The following UNC13C variants were observed in gnomAD, a reference collection of about 807,000 sequenced individuals.
The protein encoded by UNC13C is unc-13 homolog C, also known as protein unc-13 homolog C.
UNC13C carries 174 observed loss-of-function variants against 245.4 expected under a neutral mutation model. The ratio of observed to expected loss-of-function variants is 0.71; its 90% CI spans 0.63 to 0.80. UNC13C has a LOEUF of 0.80. UNC13C is among the 30% of genes least tolerant of loss of function. UNC13C has a pLI of 0.00. For synonymous variants in UNC13C, 992 were observed against 895.1 expected (o/e 1.11, Z -1.93); for missense variants, 2,829 against 2,602.9 (o/e 1.09, Z -1.89).
At chr15:54,426,693 T>C (rs1012811445) in intron 19 of UNC13C, among the ~76,000 whole-genome samples, 4 of 151,684 alleles carry the variant, frequency 2.6e-5, no homozygotes, top group Non-Finnish European at 5.9e-5. Context: ...CCATGGAGTG[T>C]TGTTTAGTCT....
At chr15:54,218,691 TG>T (rs760228834) in intron 4 of UNC13C, among the ~76,000 whole-genome samples, 8 of 151,858 alleles carry the variant, frequency 5.3e-5, no homozygotes, top group Non-Finnish European at 8.8e-5. Flanking sequence ...TTAGATTTTG[TG>T]TTATGGAAAA....
chr15:53,862,948 C>T, the UNC13C span, among the ~76,000 whole-genome samples: 1 of 152,114 alleles, frequency 6.6e-6, no homozygotes, highest in African/African-American at 2.4e-5. Context: ...CAGTGGCCCT[C>T]CAAGTTTTAA....
intron 18 of UNC13C, among the ~76,000 whole-genome samples, chr15:54,402,706 C>A (rs539837886): frequency 1.9e-4 from 29 of 152,126 alleles, no homozygotes; most frequent in Admixed American, 6.5e-4. Context: ...GAAACTTAAG[C>A]ATAGAGAGGA....
chr15:54,090,129 C>T (rs980142390), intron 2 of UNC13C, among the ~76,000 whole-genome samples: 1 of 152,144 alleles, frequency 6.6e-6, no homozygotes, highest in African/African-American at 2.4e-5. Flanking sequence ...TAATTTTGTG[C>T]TTGCCAAAGG....
intron 2 of UNC13C, among the ~76,000 whole-genome samples, chr15:54,089,319 G>A (rs1176519004): frequency 6.6e-6 from 1 of 152,188 alleles, no homozygotes; most frequent in African/African-American, 2.4e-5. Context: ...GGAAGAATGT[G>A]TCTACAATTA....
the UNC13C span, chr15:53,947,660 C>T: frequency 2.0e-5 from 3 of 152,102 alleles, no homozygotes; most frequent in East Asian, 3.9e-4. Flanking sequence ...CATCTGTGTC[C>T]GTTCGATCTT....
chr15:54,091,103 C>A (rs971131716), intron 2 of UNC13C, among the ~76,000 whole-genome samples: 17 of 152,058 alleles, frequency 1.1e-4, no homozygotes, highest in African/African-American at 4.1e-4. Flanking sequence ...CCAACCATGA[C>A]CTTCCTCAGT....
chr15:53,859,082 A>G, the UNC13C span, among the ~76,000 whole-genome samples: 1 of 152,140 alleles, frequency 6.6e-6, no homozygotes, highest in African/African-American at 2.4e-5. Flanking sequence ...ATGGGCATGT[A>G]CAACTCATAG....
chr15:54,331,897 C>T, intron 14 of UNC13C, 146 bp from the exon 15 acceptor site: 1 of 499,748 alleles, frequency 2.0e-6, no homozygotes, highest in Non-Finnish European at 3.5e-6. Flanking sequence ...ACTGCTATGC[C>T]ACATAGTAAC....
intron 17 of UNC13C, among the ~76,000 whole-genome samples, chr15:54,348,067 A>G (rs117860323): frequency 2.0e-5 from 3 of 152,288 alleles, no homozygotes; most frequent in African/African-American, 4.8e-5. Context: ...TTAAAGCTCA[A>G]TATTAATTTT....
intron 19 of UNC13C, among the ~76,000 whole-genome samples, chr15:54,419,262 C>T (rs766628151): frequency 2.6e-5 from 4 of 152,116 alleles, no homozygotes; most frequent in Non-Finnish European, 5.9e-5. Flanking sequence ...ATGTAATTAA[C>T]TGGTCAGCCA....
At chr15:54,024,078 A>T (rs923410226) in intron 2 of UNC13C, among the ~76,000 whole-genome samples, 1 of 152,190 alleles carries the variant, frequency 6.6e-6, no homozygotes, top group Non-Finnish European at 1.5e-5. Context: ...TTATGTGAGA[A>T]TGGGGTAGAT....
chr15:54,122,165 C>T (rs1187722389), intron 2 of UNC13C, among the ~76,000 whole-genome samples: 1 of 151,356 alleles, frequency 6.6e-6, no homozygotes, highest in Non-Finnish European at 1.5e-5. Flanking sequence ...GGCTTTGGGG[C>T]ACTTTGTTAA....
Position 54,421,541 on chromosome 15 carries a change from A to G in UNC13C, c.4933+6474A>G, listed in dbSNP as rs144953465. Among the ~76,000 whole-genome samples, 243 of 152,088 alleles carry G rather than the reference A, an allele frequency of 1.6e-3. 2 individuals carry two copies. Among genetic ancestry groups the G allele is most frequent in the Middle Eastern group, 6.8e-3 (2 of 294 alleles). ...TTGGGCCCCATCCCACATCTACCTAATCAGACATCCTGGGAATAGGGCCCA... is the reference window on the plus strand; with the variant it reads ...TTGGGCCCCATCCCACATCTACCTAGTCAGACATCCTGGGAATAGGGCCCA... On this transcript the variant is annotated intron_variant, in intron 19 of 32. Transcript: ENST00000260323.
chr15:54,024,214 T>C (rs145058980), intron 2 of UNC13C, among the ~76,000 whole-genome samples: 8 of 152,284 alleles, frequency 5.3e-5, no homozygotes, highest in Admixed American at 4.6e-4. Context: ...CCACAGATGA[T>C]GGCTTCTAAA....
chr15:54,475,447 T>TC (rs1160841310), intron 19 of UNC13C, among the ~76,000 whole-genome samples: 1 of 151,642 alleles, frequency 6.6e-6, no homozygotes, highest in Non-Finnish European at 1.5e-5. Context: ...CCTAATGCTA[T>TC]CCCTCCCCTC....
chr15:54,135,585 C>T (rs377237984), intron 2 of UNC13C, among the ~76,000 whole-genome samples: 1 of 151,878 alleles, frequency 6.6e-6, no homozygotes, highest in Non-Finnish European at 1.5e-5. Context: ...ATTCTTGGCA[C>T]CTTCATCAAA....
At chr15:53,861,426 G>A in the UNC13C span, among the ~76,000 whole-genome samples, 19,262 of 151,180 alleles carry the variant, frequency 0.13, 1,387 homozygotes, top group Admixed American at 0.21. Context: ...TATTTTTTGC[G>A]TGTTGTTATT....
chr15:54,382,419 T>C (rs1476798253), intron 17 of UNC13C, among the ~76,000 whole-genome samples: 1 of 151,942 alleles, frequency 6.6e-6, no homozygotes, highest in Non-Finnish European at 1.5e-5. Context: ...CAAAACTCCA[T>C]CTCCGCAAAA....
Sources: gnomAD v4.1 joint callset for allele counts (sites outside exome capture counted in the v4.1 genomes callset) on GRCh38, gnomAD v4.1.1 for gene constraint, MANE v1.5 for transcripts, NCBI Gene and HGNC (gene_info 2026-07-23, HGNC 2026-07-21) for gene names.